PTPRT: variants seen among roughly 807,000 people sequenced by gnomAD.
PTPRT encodes receptor-type tyrosine-protein phosphatase T.
PTPRT carries 56 observed loss-of-function variants against 176.8 expected under a neutral mutation model. The ratio of observed to expected loss-of-function variants is 0.32; its 90% CI spans 0.26 to 0.40. PTPRT has a LOEUF of 0.40. Ranked by LOEUF, PTPRT falls within the 10% of genes least tolerant of loss-of-function variation. The pLI is 1.00. For missense variants in PTPRT, 1,540 were observed against 1,908.2 expected, an observed-to-expected ratio of 0.81 and a Z score of 3.60; for synonymous variants, 783 against 739.0, an observed-to-expected ratio of 1.06 and a Z score of -0.96.
chr20:42,659,955 A>T (rs1394423204), intron 7 of PTPRT, among the ~76,000 whole-genome samples: 1 of 152,132 alleles, frequency 6.6e-6, no homozygotes, highest in Non-Finnish European at 1.5e-5. Flanking sequence ...TGGGGTCAGG[A>T]GATGCTATTT....
intron 18 of PTPRT, among the ~76,000 whole-genome samples, chr20:42,138,418 C>T (rs1988474213): frequency 6.6e-6 from 1 of 152,210 alleles, no homozygotes; most frequent in Non-Finnish European, 1.5e-5. Context: ...CTGGTAACCC[C>T]TCCTACGGAA....
rs1207446228 is a variant in PTPRT, at chr20:42,777,982, TA to T, written c.568+2235del. ...CCAACAGGAGCACATTATGCAGACA[TA>T]AAGCCAGGATCACGCCTTCCTGAGT... On this transcript the variant is annotated intron_variant, in intron 4 of 30. Transcript: ENST00000373187. Among the ~76,000 whole-genome samples, 3 of 152,132 alleles carry T rather than the reference TA, an allele frequency of 2.0e-5. No individual in the cohort carries two copies. The East Asian group carries it at 5.8e-4, about 29-fold the overall frequency.
At chr20:43,043,372 T>G (rs1257642072) in intron 1 of PTPRT, among the ~76,000 whole-genome samples, 1 of 151,446 alleles carries the variant, frequency 6.6e-6, no homozygotes, top group Non-Finnish European at 1.5e-5. Flanking sequence ...GACAAGAGGG[T>G]GAGGAATTAG....
intron 9 of PTPRT, among the ~76,000 whole-genome samples, chr20:42,354,061 T>TC (rs1320981984): frequency 6.2e-5 from 9 of 146,340 alleles, no homozygotes; most frequent in Non-Finnish European, 1.2e-4. Context: ...CTCTAAAAAA[T>TC]TAAAAAAAAA....
At chr20:42,602,561 G>A (rs1248940388) in intron 7 of PTPRT, among the ~76,000 whole-genome samples, 2 of 152,240 alleles carry the variant, frequency 1.3e-5, no homozygotes, top group East Asian at 3.9e-4. Flanking sequence ...GGGGAGATCT[G>A]AGGCATAGTG....
At chr20:42,906,981 T>G (rs999883731) in intron 1 of PTPRT, among the ~76,000 whole-genome samples, 1 of 152,090 alleles carries the variant, frequency 6.6e-6, no homozygotes, top group African/African-American at 2.4e-5. Flanking sequence ...GAGCACACCA[T>G]GTCACAGGCC....
At chr20:42,733,460 T>C (rs1272012210) in intron 6 of PTPRT, among the ~76,000 whole-genome samples, 3 of 152,204 alleles carry the variant, frequency 2.0e-5, no homozygotes, top group African/African-American at 4.8e-5. Context: ...GTATGAACCA[T>C]GAAGCTGCTC....
intron 1 of PTPRT, among the ~76,000 whole-genome samples, chr20:43,187,976 CGA>C (rs1038802257): frequency 1.3e-5 from 2 of 152,188 alleles, no homozygotes; most frequent in African/African-American, 2.4e-5. Context: ...GACAGCTTCC[CGA>C]GCCGGTACGG....
At chr20:42,568,897 A>G (rs1028916613) in intron 7 of PTPRT, among the ~76,000 whole-genome samples, 5 of 150,808 alleles carry the variant, frequency 3.3e-5, no homozygotes, top group Non-Finnish European at 7.4e-5. Context: ...AAAAATACAA[A>G]AACTCCCCAG....
At chr20:42,627,028 T>C (rs2074302496) in intron 7 of PTPRT, among the ~76,000 whole-genome samples, 1 of 152,250 alleles carries the variant, frequency 6.6e-6, no homozygotes, top group Non-Finnish European at 1.5e-5. Context: ...CATCAATTTC[T>C]GTATCTTTTA....
At chr20:42,213,644 G>A (rs1434799364) in intron 15 of PTPRT, among the ~76,000 whole-genome samples, 1 of 152,202 alleles carries the variant, frequency 6.6e-6, no homozygotes, top group Non-Finnish European at 1.5e-5. Context: ...CTTACAAGGA[G>A]AGGGAAATTT....
At chr20:42,163,884 C>T (rs1187072991) in intron 16 of PTPRT, among the ~76,000 whole-genome samples, 1 of 152,230 alleles carries the variant, frequency 6.6e-6, no homozygotes, top group Non-Finnish European at 1.5e-5. Flanking sequence ...CACACTGTTT[C>T]TTGTAGGTGT....
At chr20:42,707,474 T>C (rs2076078014) in intron 6 of PTPRT, among the ~76,000 whole-genome samples, 1 of 152,190 alleles carries the variant, frequency 6.6e-6, no homozygotes, top group Non-Finnish European at 1.5e-5. Flanking sequence ...GCGAAAGAGA[T>C]GTGTGGTGTC....
intron 7 of PTPRT, among the ~76,000 whole-genome samples, chr20:42,476,058 C>T (rs564628881): frequency 6.6e-6 from 1 of 152,286 alleles, no homozygotes; most frequent in South Asian, 2.1e-4. Context: ...CCTCCATCTC[C>T]TCATCTATAA....
rs758233888 is a variant in PTPRT at position 42,448,223 on chromosome 20, G to A, written c.1557C>T (p.Tyr519=). 2.4e-5 allele frequency: 39 copies of A among 1,607,586 alleles called. No individual in the cohort carries two copies. The highest frequency in any genetic ancestry group is 1.7e-4 in the Middle Eastern group (1 of 6,028). ...GCAGCACAAGGGACCTCCTTACCTC[G>A]TAGAGCGTGATGACCCCATTGGTCT... The part of the protein sequence containing the change: ...PNETNGVITL[Y]EINYKAVGSL... Residue 519 remains tyrosine, a synonymous_variant, in exon 9 of 31, where the codon TAC becomes TAT. Coordinates refer to ENST00000373187, the MANE Select transcript of PTPRT (RefSeq NM_007050.6).
chr20:42,266,009 T>C (rs2056833440), intron 13 of PTPRT, among the ~76,000 whole-genome samples: 1 of 152,038 alleles, frequency 6.6e-6, no homozygotes, highest in Admixed American at 6.6e-5. Flanking sequence ...TAACATGAGG[T>C]ACACAGGAAA....
rs558522022 is a variant in PTPRT, at chr20:42,954,124, G to A, written c.89-68192C>T. On this transcript the variant is annotated intron_variant, in intron 1 of 30. Coordinates refer to ENST00000373187, the MANE Select transcript of PTPRT (RefSeq NM_007050.6). ...GGGTGGGCCCTCGACTCTGCACACC[G>A]TTAGTTCAATCCTGCCAGAGTTGAC... is the stretch of plus-strand genomic sequence containing the variant. 8.5e-5 allele frequency among the ~76,000 whole-genome samples: 13 copies of A among 152,222 alleles called. 1 individual carries two copies. The highest frequency in any genetic ancestry group is 1.4e-4 in the African/African-American group (6 of 41,516).
intron 1 of PTPRT, among the ~76,000 whole-genome samples, chr20:43,171,852 G>A (rs2015007985): frequency 6.6e-6 from 1 of 152,222 alleles, no homozygotes. Context: ...AAAGTAGTGA[G>A]GCAGAAAGAG....
chr20:42,968,609 A>T (rs544298669), intron 1 of PTPRT: 1 of 152,392 alleles, frequency 6.6e-6, no homozygotes, highest in South Asian at 2.1e-4. Flanking sequence ...GCATCATAAC[A>T]AGACTGGCAT....
Sources: allele counts gnomAD v4.1 joint callset (sites outside exome capture counted in the v4.1 genomes callset), GRCh38; gene constraint gnomAD v4.1.1; transcripts MANE v1.5; gene names NCBI Gene and HGNC (gene_info 2026-07-23, HGNC 2026-07-21).